LAMA2: variants seen among roughly 807,000 people sequenced by gnomAD.
LAMA2 encodes laminin subunit alpha-2.
Under a neutral mutation model 364.8 loss-of-function variants are expected in LAMA2, and 269 were observed. That is an observed-to-expected ratio of 0.74 (90% CI 0.67 to 0.82). The LOEUF is 0.82. Among genes scored for constraint, LAMA2 ranks in the 40% least tolerant of loss-of-function variants. The probability of loss-of-function intolerance (pLI) is 0.00; values close to 1 mark genes in which losing one functional copy is unlikely to be tolerated. For synonymous variants in LAMA2, 1,379 were observed against 1,370.6 expected, an observed-to-expected ratio of 1.01 and a Z score of -0.14; for missense variants, 3,807 against 3,873.2, an observed-to-expected ratio of 0.98 and a Z score of 0.45.
chr6:128,923,848 C>G (rs7745096), intron 1 of LAMA2, among the ~76,000 whole-genome samples: 1 of 152,070 alleles, frequency 6.6e-6, no homozygotes, highest in Non-Finnish European at 1.5e-5. Flanking sequence ...CAGTTGTCCT[C>G]CGCTTATGAT....
intron 18 of LAMA2, among the ~76,000 whole-genome samples, chr6:129,287,332 C>T (rs933264479): frequency 3.3e-5 from 5 of 152,066 alleles, no homozygotes; most frequent in African/African-American, 1.2e-4. Flanking sequence ...ACCCACAGCT[C>T]CCATCCAATT....
At position 129,427,795 on chromosome 6, in the gene LAMA2, G is replaced by C. The variant is rs148451013; in HGVS notation, c.5909G>C (p.Cys1970Ser). Residue 1970 changes from cysteine to serine, a missense_variant, in exon 41 of 65, where the codon TGT (cysteine) becomes TCT (serine). Physicochemically the swap from Cys to Ser is moderately radical, Grantham distance 112. This residue lies in a region of LAMA2 where 3,333 missense variants were observed against 3,345.7 expected (regional missense o/e 1.00). Coordinates refer to ENST00000421865, the MANE Select transcript of LAMA2 (RefSeq NM_000426.4). ...RGLLKEDAKG[C>S]LQKSFRILNE... The stretch of plus-strand genomic sequence containing the variant: ...TTATTAAAGGAAGATGCCAAAGGCT[G>C]TCTTCAGAAAAGCTTCAGGATTCTT... 859 of 1,613,834 alleles carry C rather than the reference G, an allele frequency of 5.3e-4. 5 individuals carry two copies. In the African/African-American group the frequency reaches 0.01, roughly 19 times the overall value.
chr6:129,043,683 A>AT (rs201401599), intron 1 of LAMA2, among the ~76,000 whole-genome samples: 234 of 151,182 alleles, frequency 1.5e-3, no homozygotes, highest in African/African-American at 5.1e-3. Flanking sequence ...TATGTCTAGT[A>AT]TTTTTTTTTA....
intron 34 of LAMA2, among the ~76,000 whole-genome samples, chr6:129,371,211 T>A (rs1778052642): frequency 6.6e-6 from 1 of 151,708 alleles, no homozygotes; most frequent in Non-Finnish European, 1.5e-5. Flanking sequence ...ATGAAAAATA[T>A]GAATGAGGCT....
At chr6:129,377,271 G>A (rs1778425526) in intron 34 of LAMA2, among the ~76,000 whole-genome samples, 1 of 151,974 alleles carries the variant, frequency 6.6e-6, no homozygotes, top group Admixed American at 6.6e-5. Context: ...CCAAAAGGAT[G>A]AAACTAGTTT....
At chr6:129,039,450 T>G (rs1786921542) in intron 1 of LAMA2, among the ~76,000 whole-genome samples, 1 of 152,196 alleles carries the variant, frequency 6.6e-6, no homozygotes, top group Non-Finnish European at 1.5e-5. Context: ...GGCCTGATTA[T>G]AAATGTTTAG....
intron 35 of LAMA2, among the ~76,000 whole-genome samples, chr6:129,388,102 A>G (rs1230667446): frequency 6.6e-6 from 1 of 152,054 alleles, no homozygotes; most frequent in East Asian, 1.9e-4. Flanking sequence ...TACTAAAAAT[A>G]CAAAAATCAG....
Position 129,192,708 on chromosome 6 carries a change from C to T in LAMA2, c.1637C>T (p.Thr546Ile), listed in dbSNP as rs1781594388. Residue 546 changes from threonine to isoleucine, a missense_variant, in exon 12 of 65, where the codon ACT becomes ATT. Thr to Ile is a moderately conservative substitution (Grantham distance 89). This residue lies in a region of LAMA2 where 3,333 missense variants were observed against 3,345.7 expected (regional missense o/e 1.00). Transcript: ENST00000421865. The stretch of plus-strand genomic sequence containing the variant: ...CAAGATATGAGTGGCTGGTATCTGA[C>T]TGACCTTCCTGGCCGCATTCGAGTG... Reference protein sequence around the residue: ...KIQDMSGWYLTDLPGRIRVAP... With the variant: ...KIQDMSGWYLIDLPGRIRVAP... 6.2e-7 allele frequency: 1 copy of T among 1,614,162 alleles called. No individual in the cohort carries two copies. The highest frequency in any genetic ancestry group is 8.5e-7 in the Non-Finnish European group (1 of 1,180,012).
chr6:129,069,127 T>C (rs1773134899), intron 3 of LAMA2, among the ~76,000 whole-genome samples: 1 of 151,822 alleles, frequency 6.6e-6, no homozygotes, highest in Non-Finnish European at 1.5e-5. Context: ...AAAAGAACAA[T>C]AATACATAGG....
intron 31 of LAMA2, 84 bp downstream of exon 31, chr6:129,349,468 T>A: frequency 1.9e-6 from 2 of 1,079,200 alleles, no homozygotes; most frequent in Non-Finnish European, 2.9e-6. Flanking sequence ...ATTCATTATT[T>A]GAAGAACTTC....
intron 1 of LAMA2, among the ~76,000 whole-genome samples, chr6:128,906,311 T>G (rs1777465712): frequency 7.8e-6 from 1 of 129,002 alleles, no homozygotes; most frequent in African/African-American, 3.1e-5. Context: ...TTCCTGACTT[T>G]TTAATGACTG....
rs951149270 is a variant in LAMA2 at position 129,194,483 on chromosome 6, C to T, written c.1782+1630C>T. ...CATCCCATTAGTAGTTGTTGGTTCC[C>T]GAAGATAACTTCCCTTATCCTGGCT... is the stretch of plus-strand genomic sequence containing the variant. On this transcript the variant is annotated intron_variant, in intron 12 of 64. Coordinates refer to ENST00000421865, the MANE Select transcript of LAMA2 (RefSeq NM_000426.4). 5.3e-5 allele frequency among the ~76,000 whole-genome samples: 8 copies of T among 152,196 alleles called. No individual in the cohort carries two copies. The East Asian group carries it at 5.8e-4, about 11-fold the overall frequency.
intron 1 of LAMA2, among the ~76,000 whole-genome samples, chr6:129,048,484 CTTTCTTTCT>C (rs1787716700): frequency 0.011 from 784 of 74,500 alleles, 2 homozygotes; most frequent in African/African-American, 0.026. Flanking sequence ...TTCTTTCTTT[CTTTCTTTCT>C]TTCCTTCCTT....
chr6:129,028,974 T>C (rs1028287609), intron 1 of LAMA2, among the ~76,000 whole-genome samples: 2 of 151,874 alleles, frequency 1.3e-5, no homozygotes, highest in African/African-American at 4.8e-5. Flanking sequence ...ATCCACCAAG[T>C]ATATATCTCA....
chr6:129,314,176 G>A (rs920233877), intron 23 of LAMA2, among the ~76,000 whole-genome samples: 22 of 152,130 alleles, frequency 1.4e-4, no homozygotes, highest in South Asian at 2.1e-4. Flanking sequence ...CGAGGCGGGC[G>A]GATCACGAGG....
chr6:129,119,780 C>T (rs1450426879), intron 4 of LAMA2, among the ~76,000 whole-genome samples: 1 of 152,174 alleles, frequency 6.6e-6, no homozygotes, highest in African/African-American at 2.4e-5. Flanking sequence ...GATCTTCTGA[C>T]CTCGTGATCT....
chr6:128,947,623 A>T (rs1780558451), intron 1 of LAMA2, among the ~76,000 whole-genome samples: 1 of 152,192 alleles, frequency 6.6e-6, no homozygotes, highest in African/African-American at 2.4e-5. Context: ...TATTCTACCT[A>T]ATAAGCATTT....
chr6:129,435,402 A>G (rs911140732), intron 41 of LAMA2, among the ~76,000 whole-genome samples: 3 of 152,190 alleles, frequency 2.0e-5, no homozygotes, highest in Non-Finnish European at 4.4e-5. Flanking sequence ...TGCTTTTGGT[A>G]GCCTATCCAA....
In LAMA2 at chr6:129,514,972, C is replaced by A. The variant is rs1786927794; in HGVS notation, c.9211+377C>A. ...GAATCAATCATAAAATGTTATGGAA[C>A]TTATTTCCTCAAGTTCTGGAAATCA... On this transcript the variant is annotated intron_variant, in intron 64 of 64. Transcript: ENST00000421865. Among the ~76,000 whole-genome samples, 3 of 152,162 alleles carry A rather than the reference C, an allele frequency of 2.0e-5. No individual in the cohort carries two copies. In the South Asian group the frequency reaches 6.2e-4, roughly 32 times the overall value.
Sources: allele counts gnomAD v4.1 joint callset (sites outside exome capture counted in the v4.1 genomes callset), GRCh38; gene constraint gnomAD v4.1.1; regional missense constraint gnomAD v4.1.1; transcripts MANE v1.5; gene names NCBI Gene and HGNC (gene_info 2026-07-23, HGNC 2026-07-21).